GFPT2: variants seen among roughly 807,000 people sequenced by gnomAD.
The protein encoded by GFPT2 is glutamine--fructose-6-phosphate aminotransferase [isomerizing] 2.
A neutral mutation model predicts 85.6 loss-of-function variants in GFPT2; 62 were observed. The ratio of observed to expected loss-of-function variants is 0.72; its 90% confidence interval spans 0.59 to 0.90. The LOEUF (loss-of-function observed/expected upper bound fraction) is 0.90. GFPT2 is among the 40% of genes least tolerant of loss of function. The pLI is 0.00. For synonymous variants in GFPT2, 368 were observed against 344.5 expected, an observed-to-expected ratio of 1.07 and a Z score of -0.75; for missense variants, 788 against 893.4, an observed-to-expected ratio of 0.88 and a Z score of 1.50.
At chr5:180,302,977 C>T (rs982836679) in intron 17 of GFPT2, among the ~76,000 whole-genome samples, 2 of 152,104 alleles carry the variant, frequency 1.3e-5, no homozygotes, top group Non-Finnish European at 2.9e-5. Flanking sequence ...CGCCTGTAAT[C>T]CCAACACTTT....
intron 15 of GFPT2, among the ~76,000 whole-genome samples, chr5:180,311,092 TTC>T (rs1345617555): frequency 6.6e-6 from 1 of 152,134 alleles, no homozygotes; most frequent in Non-Finnish European, 1.5e-5. Context: ...GAATTGACCA[TTC>T]TCTATGATGG....
chr5:180,304,720 T>C (rs965751879), intron 17 of GFPT2, 52 bp downstream of exon 17: 16 of 1,503,978 alleles, frequency 1.1e-5, no homozygotes, highest in African/African-American at 1.4e-5. Context: ...GAGGTGGGCA[T>C]GCATGGGGAA....
chr5:180,353,158 C>A, intron 1 of GFPT2, 53 bp downstream of exon 1: 1 of 1,226,660 alleles, frequency 8.2e-7, no homozygotes, highest in Non-Finnish European at 1.0e-6. Flanking sequence ...GGCTGCGGCG[C>A]CGGGACCCGC....
At chr5:180,342,106 C>T (rs1764528121) in intron 1 of GFPT2, among the ~76,000 whole-genome samples, 1 of 152,142 alleles carries the variant, frequency 6.6e-6, no homozygotes, top group Admixed American at 6.5e-5. Flanking sequence ...ACTCTCTTCT[C>T]TTGTCTGCCG....
At chr5:180,322,922 G>T (rs1015069329) in intron 9 of GFPT2, among the ~76,000 whole-genome samples, 9 of 151,886 alleles carry the variant, frequency 5.9e-5, no homozygotes, top group African/African-American at 2.2e-4. Context: ...TGTAGTCCCA[G>T]CTACTCAGAG....
At chr5:180,312,853 T>C (rs1254486964) in intron 14 of GFPT2, among the ~76,000 whole-genome samples, 1 of 152,192 alleles carries the variant, frequency 6.6e-6, no homozygotes, top group African/African-American at 2.4e-5. Flanking sequence ...CTCGGCTCAC[T>C]GCAACCTCCA....
chr5:180,325,678 A>G (rs1430310146), intron 7 of GFPT2, among the ~76,000 whole-genome samples: 1 of 152,168 alleles, frequency 6.6e-6, no homozygotes, highest in Non-Finnish European at 1.5e-5. Flanking sequence ...TTTAGGAAAG[A>G]GCTTTAGGAT....
At chr5:180,310,832 CAAAAAAAAAAAA>C (rs3080055) in intron 15 of GFPT2, among the ~76,000 whole-genome samples, 1,092 of 50,718 alleles carry the variant, frequency 0.022, 21 homozygotes, top group African/African-American at 0.085. Flanking sequence ...TGGACACAGG[CAAAAAAAAAAAA>C]AAAAAAAAAA....
Position 180,318,502 on chromosome 5 carries a change from G to A in GFPT2, c.958+291C>T, listed in dbSNP as rs140624711. On this transcript the variant is annotated intron_variant, in intron 10 of 18. Coordinates refer to ENST00000253778, the MANE Select transcript of GFPT2 (RefSeq NM_005110.4). The surrounding 1 kb of genome is among the most constrained non-coding windows in gnomAD (Gnocchi z 4.2). The stretch of plus-strand genomic sequence containing the variant: ...CAGAGGAGAAATGATGCCTGAGGGT[G>A]GGCATGTGTCCCGCGGAGTCGGTGA... 1 of 383,344 alleles carries A rather than the reference G, an allele frequency of 2.6e-6. No homozygotes were observed. The highest frequency in any genetic ancestry group is 2.0e-5 in the African/African-American group (1 of 49,270). 23.7% of individuals were successfully genotyped at this position (383,344 alleles called of 1,614,324 possible).
At chr5:180,310,421 T>C (rs1213586314) in intron 15 of GFPT2, among the ~76,000 whole-genome samples, 9 of 146,918 alleles carry the variant, frequency 6.1e-5, no homozygotes, top group Non-Finnish European at 1.2e-4. Context: ...CATTCTTTTT[T>C]GTTTTTTGAG....
chr5:180,305,883 G>A (rs1763766133), intron 16 of GFPT2, among the ~76,000 whole-genome samples: 1 of 152,090 alleles, frequency 6.6e-6, no homozygotes, highest in Admixed American at 6.6e-5. Flanking sequence ...GCTCAGTGAG[G>A]ACAGCCCTGC....
intron 1 of GFPT2, among the ~76,000 whole-genome samples, chr5:180,344,602 G>C (rs1157126654): frequency 6.6e-6 from 1 of 152,212 alleles, no homozygotes; most frequent in African/African-American, 2.4e-5. Flanking sequence ...TGGGACCTGA[G>C]AGCTTCTGGG....
intron 4 of GFPT2, among the ~76,000 whole-genome samples, chr5:180,331,874 G>A (rs1764306981): frequency 1.3e-5 from 2 of 152,148 alleles, no homozygotes; most frequent in South Asian, 4.1e-4. Flanking sequence ...TATCAAACAG[G>A]CTTTGGGGTT....
intron 4 of GFPT2, among the ~76,000 whole-genome samples, chr5:180,333,516 G>A (rs998275965): frequency 1.3e-5 from 2 of 152,178 alleles, no homozygotes; most frequent in East Asian, 1.9e-4. Flanking sequence ...TTACAGGCGT[G>A]AGCCACCATG....
At chr5:180,311,243 G>A (rs559672549) in intron 15 of GFPT2, among the ~76,000 whole-genome samples, 47 of 152,312 alleles carry the variant, frequency 3.1e-4, no homozygotes, top group African/African-American at 1.1e-3. Flanking sequence ...AGCCTGGGGC[G>A]AGGCTCGATT....
chr5:180,321,836 T>C (rs1034827918), intron 9 of GFPT2, among the ~76,000 whole-genome samples: 1 of 152,242 alleles, frequency 6.6e-6, no homozygotes, highest in African/African-American at 2.4e-5. Flanking sequence ...CAGGCTGGAG[T>C]GCAGTGGCGC....
Position 180,317,013 on chromosome 5 carries a change from T to G in GFPT2, c.1004A>C (p.Glu335Ala), listed in dbSNP as rs779801854. ...FMQKEIFEQP[E>A]SVFNTMRGRV... ...ACCTCTCATAGTATTGAAAACTGAT[T>G]CTGGCTGTTCGAAGATCTCCTTCTG... The change falls in exon 11 of 19, where the codon GAA (glutamate) becomes GCA (alanine). Residue 335 changes from glutamate to alanine, a missense_variant. Coordinates refer to ENST00000253778, the MANE Select transcript of GFPT2 (RefSeq NM_005110.4). 1.2e-6 allele frequency: 2 copies of G among 1,612,242 alleles called. No homozygotes were observed. Among genetic ancestry groups the G allele is most frequent in the Admixed American group, 3.3e-5 (2 of 60,022 alleles).
At chr5:180,314,839 T>C (rs1763969613) in intron 13 of GFPT2, among the ~76,000 whole-genome samples, 2 of 152,240 alleles carry the variant, frequency 1.3e-5, no homozygotes, top group South Asian at 4.1e-4. Context: ...ATTAAAGGGC[T>C]GACTTCTATA....
intron 1 of GFPT2, among the ~76,000 whole-genome samples, chr5:180,349,876 TTG>T (rs1356548262): frequency 6.9e-6 from 1 of 145,840 alleles, no homozygotes; most frequent in Non-Finnish European, 1.5e-5. Context: ...TTCACAGTGA[TTG>T]TTTTTTTTTT....
Sources: gnomAD v4.1 joint callset for allele counts (sites outside exome capture counted in the v4.1 genomes callset) on GRCh38, gnomAD v4.1.1 for gene constraint, Gnocchi (gnomAD v3.1) non-coding constraint, MANE v1.5 for transcripts, NCBI Gene and HGNC (gene_info 2026-07-23, HGNC 2026-07-21) for gene names.